Variants in FOXN3 observed in about 807,000 individuals in gnomAD.
FOXN3 encodes the protein forkhead box protein N3.
Under a neutral mutation model 38.4 loss-of-function variants are expected in FOXN3, and 7 were observed. The ratio of observed to expected loss-of-function variants is 0.18; its 90% CI spans 0.10 to 0.34. FOXN3 has a LOEUF of 0.34. FOXN3 is among the 10% of genes least tolerant of loss of function. The pLI is 1.00. For missense variants in FOXN3, 456 were observed against 613.4 expected (o/e 0.74, Z 2.71); for synonymous variants, 230 against 242.2 (o/e 0.95, Z 0.47).
At chr14:89,463,038 C>G (rs1892880758) in intron 1 of FOXN3, among the ~76,000 whole-genome samples, 2 of 151,654 alleles carry the variant, frequency 1.3e-5, no homozygotes, top group East Asian at 4.0e-4. Flanking sequence ...TGGCTGTAAT[C>G]CCAGCACTTT....
intron 3 of FOXN3, chr14:89,290,969 G>A: frequency 2.7e-6 from 1 of 366,076 alleles, no homozygotes. Flanking sequence ...GCTGATGTGG[G>A]TGCTGCGGAC....
rs559820870 is a variant in FOXN3, at chr14:89,281,527, T to C, written c.681-513A>G. On this transcript the variant is annotated intron_variant, in intron 3 of 5. Transcript: ENST00000557258. ...ATTTCCTCCTTCCCCCTCTTCTCGT[T>C]TCGTATCCTGTTTTCAATTTTTTGG... Among the ~76,000 whole-genome samples, 3 of 152,320 alleles carry C rather than the reference T, an allele frequency of 2.0e-5. No homozygotes were observed. In the South Asian group the frequency reaches 6.2e-4, roughly 32 times the overall value.
intron 1 of FOXN3, among the ~76,000 whole-genome samples, chr14:89,434,070 C>G (rs1029881534): frequency 2.0e-5 from 3 of 151,148 alleles, no homozygotes; most frequent in Non-Finnish European, 4.4e-5. Flanking sequence ...ATTACAGGTG[C>G]CTGCCACTAC....
intron 4 of FOXN3, among the ~76,000 whole-genome samples, chr14:89,274,015 G>A (rs1401881883): frequency 6.6e-6 from 1 of 152,146 alleles, no homozygotes; most frequent in Non-Finnish European, 1.5e-5. Flanking sequence ...GCATTAGGTG[G>A]ATGCCCTCCT....
At chr14:89,234,368 C>T (rs1223403158) in intron 4 of FOXN3, among the ~76,000 whole-genome samples, 2 of 152,256 alleles carry the variant, frequency 1.3e-5, no homozygotes, top group Non-Finnish European at 2.9e-5. Context: ...TAAGCCTTGG[C>T]GTTCCAAGGC....
At chr14:89,225,322 A>C (rs1884601215) in intron 4 of FOXN3, among the ~76,000 whole-genome samples, 1 of 151,012 alleles carries the variant, frequency 6.6e-6, no homozygotes, top group Admixed American at 6.6e-5. Context: ...TATAATACAA[A>C]AGCCGGGCAC....
intron 2 of FOXN3, among the ~76,000 whole-genome samples, chr14:89,366,812 G>A (rs1038708258): frequency 2.6e-5 from 4 of 152,248 alleles, no homozygotes; most frequent in South Asian, 2.1e-4. Context: ...TAAAGGTAAC[G>A]TGGGCCTGAC....
chr14:89,234,334 G>A (rs373407122), intron 4 of FOXN3, among the ~76,000 whole-genome samples: 33 of 152,290 alleles, frequency 2.2e-4, no homozygotes, highest in African/African-American at 7.2e-4. Flanking sequence ...AGCCTGCAGA[G>A]GAGACTCCTT....
intron 3 of FOXN3, among the ~76,000 whole-genome samples, chr14:89,308,451 C>G (rs1458259707): frequency 6.6e-6 from 1 of 152,224 alleles, no homozygotes; most frequent in African/African-American, 2.4e-5. Flanking sequence ...GGTCTCCAGT[C>G]TACTCTGAAA....
At position 89,569,064 on chromosome 14, in the gene FOXN3, G is replaced by T. The variant is rs187534178; in HGVS notation, c.-15+49964C>A. Among the ~76,000 whole-genome samples, 562 of 152,262 alleles carry T rather than the reference G, an allele frequency of 3.7e-3. 4 individuals carry two copies. Among genetic ancestry groups the T allele is most frequent in the Admixed American group, 5.2e-3 (79 of 15,306 alleles). ...CTAAAAATACAAAAATATTAGCCGGGCGTGGTGGCGGGTGCCTATAGTCCC... is the reference window on the plus strand; with the variant it reads ...CTAAAAATACAAAAATATTAGCCGGTCGTGGTGGCGGGTGCCTATAGTCCC... On this transcript the variant is annotated intron_variant, in intron 1 of 6. Coordinates refer to the FOXN3 transcript ENST00000345097.
chr14:89,589,820 C>G (rs988412448), intron 1 of FOXN3, among the ~76,000 whole-genome samples: 1 of 152,122 alleles, frequency 6.6e-6, no homozygotes, highest in Non-Finnish European at 1.5e-5. Flanking sequence ...ATTCACATCA[C>G]AAAGCTCCAA....
At chr14:89,331,232 C>A (rs1888237665) in intron 3 of FOXN3, among the ~76,000 whole-genome samples, 1 of 152,176 alleles carries the variant, frequency 6.6e-6, no homozygotes, top group Admixed American at 6.5e-5. Flanking sequence ...GCCCTGGTAA[C>A]CACTAATCCA....
intron 2 of FOXN3, among the ~76,000 whole-genome samples, chr14:89,411,459 T>C (rs1486433850): frequency 6.6e-6 from 1 of 152,218 alleles, no homozygotes; most frequent in Non-Finnish European, 1.5e-5. Context: ...TGTTCATCAC[T>C]GTCCACTTAT....
At chr14:89,365,871 G>T (rs183409813) in intron 2 of FOXN3, among the ~76,000 whole-genome samples, 1 of 152,304 alleles carries the variant, frequency 6.6e-6, no homozygotes. Context: ...CACATGGAGA[G>T]ATTTTAAAAT....
Position 89,162,829 on chromosome 14 carries a change from T to C in FOXN3, c.992A>G (p.Asp331Gly). 6.2e-7 allele frequency: 1 copy of C among 1,610,970 alleles called. No homozygotes were observed. Among genetic ancestry groups the C allele is most frequent in the South Asian group, 1.1e-5 (1 of 91,004 alleles). ...TGAGGAGGAGGAGGAGGAGATGGAG[T>C]CGCTGGTGGGCGAGGTGCTCCGGGC... is the stretch of plus-strand genomic sequence containing the variant. ...SNARSTSPTS[D>G]SISSSSSSAD... Residue 331 changes from aspartate (D) to glycine (G), a missense_variant, in exon 6 of 6, where the codon GAC (aspartate) becomes GGC (glycine). By Grantham distance (94) the Asp-to-Gly change is moderately conservative. Around this residue, in one of 3 missense-constraint regions of FOXN3, gnomAD observed 386 missense variants for 505.2 expected, o/e 0.76. Coordinates refer to ENST00000557258, the MANE Select transcript of FOXN3 (RefSeq NM_005197.4). The surrounding 1 kb of genome is among the most constrained non-coding windows in gnomAD (Gnocchi z 7.2).
At chr14:89,452,865 C>T (rs1396781843) in intron 1 of FOXN3, among the ~76,000 whole-genome samples, 1 of 152,206 alleles carries the variant, frequency 6.6e-6, no homozygotes, top group Admixed American at 6.5e-5. Context: ...ACAACTTAAA[C>T]TCCTTGTACT....
chr14:89,179,872 C>T (rs1887618190), intron 5 of FOXN3, among the ~76,000 whole-genome samples: 1 of 152,172 alleles, frequency 6.6e-6, no homozygotes, highest in African/African-American at 2.4e-5. Context: ...TAAGATGGGC[C>T]AATACTGGGC....
At chr14:89,452,787 T>C (rs1892638471) in intron 1 of FOXN3, among the ~76,000 whole-genome samples, 1 of 152,172 alleles carries the variant, frequency 6.6e-6, no homozygotes, top group Non-Finnish European at 1.5e-5. Context: ...GTTTCAGGTT[T>C]CCAAAAACCT....
At chr14:89,562,651 G>A (rs1171561247) in intron 1 of FOXN3, among the ~76,000 whole-genome samples, 2 of 152,090 alleles carry the variant, frequency 1.3e-5, no homozygotes, top group Non-Finnish European at 2.9e-5. Context: ...AACAATTCTG[G>A]CCTCATGTAG....
Sources: gnomAD v4.1 joint callset for allele counts (sites outside exome capture counted in the v4.1 genomes callset) on GRCh38, gnomAD v4.1.1 for gene constraint, gnomAD v4.1.1 regional missense constraint, Gnocchi (gnomAD v3.1) non-coding constraint, MANE v1.5 for transcripts, NCBI Gene and HGNC (gene_info 2026-07-23, HGNC 2026-07-21) for gene names.